The following ZBTB20 variants were observed in gnomAD, a reference collection of about 807,000 sequenced individuals.
ZBTB20 encodes the protein zinc finger and BTB domain-containing protein 20.
ZBTB20 carries 9 observed loss-of-function variants against 56.9 expected under a neutral mutation model. The observed-to-expected ratio is 0.16, with a 90% CI of 0.10 to 0.28. The LOEUF (loss-of-function observed/expected upper bound fraction) is 0.28. ZBTB20 is among the 10% of genes least tolerant of loss of function. The pLI is 1.00. For synonymous variants in ZBTB20, 417 were observed against 420.7 expected (o/e 0.99, Z 0.11); for missense variants, 655 against 1,003.0 (o/e 0.65, Z 4.69).
intron 11 of ZBTB20, among the ~76,000 whole-genome samples, chr3:114,341,443 C>G (rs1426861156): frequency 6.6e-6 from 1 of 152,214 alleles, no homozygotes; most frequent in Non-Finnish European, 1.5e-5. Context: ...AACATGTCCA[C>G]CTGTCACCTT....
intron 10 of ZBTB20, among the ~76,000 whole-genome samples, chr3:114,360,221 A>G (rs1560132867): frequency 6.6e-6 from 1 of 152,050 alleles, no homozygotes; most frequent in Non-Finnish European, 1.5e-5. Flanking sequence ...AGGTCTTCAA[A>G]TTCATGCTCA....
chr3:114,393,179 GTTCT>G (rs1483384164), intron 7 of ZBTB20, among the ~76,000 whole-genome samples: 1 of 152,174 alleles, frequency 6.6e-6, no homozygotes, highest in Admixed American at 6.5e-5. Flanking sequence ...GCTCTTCATT[GTTCT>G]TTCTAACCCA....
chr3:114,509,111 T>C lies in ZBTB20; in HGVS notation c.-294-8720A>G, dbSNP rs543982539. Among the ~76,000 whole-genome samples the C allele has an allele frequency of 1.7e-4, 26 of 152,226 alleles. No individual in the cohort carries two copies. The South Asian group carries it at 5.2e-3, about 30-fold the overall frequency. Reference sequence around the variant, plus strand: ...CACAATAAGCTGATAACATAGGTTGTTAGAATTAGCAAAACTTACTTTCTG... The same window carrying C: ...CACAATAAGCTGATAACATAGGTTGCTAGAATTAGCAAAACTTACTTTCTG... On this transcript the variant is annotated intron_variant, in intron 6 of 11. Transcript: ENST00000675478.
intron 3 of ZBTB20, among the ~76,000 whole-genome samples, chr3:114,924,327 G>T (rs561863070): frequency 6.6e-5 from 10 of 152,044 alleles, no homozygotes; most frequent in African/African-American, 2.4e-4. Context: ...TGGGTAAAGC[G>T]GATAAATGAA....
At chr3:114,804,723 TG>T (rs2071974429) in intron 4 of ZBTB20, among the ~76,000 whole-genome samples, 1 of 151,878 alleles carries the variant, frequency 6.6e-6, no homozygotes, top group Admixed American at 6.6e-5. Context: ...CATAGTCAAT[TG>T]TTTTTCCAAT....
At chr3:114,871,050 G>A (rs577441476) in intron 4 of ZBTB20, among the ~76,000 whole-genome samples, 1 of 60,678 alleles carries the variant, frequency 1.6e-5, no homozygotes, top group South Asian at 5.8e-4. Context: ...AGAAATGGAA[G>A]AGAATGAGAA....
chr3:115,141,333 C>T (rs1305589546), intron 1 of ZBTB20, among the ~76,000 whole-genome samples: 2 of 152,122 alleles, frequency 1.3e-5, no homozygotes, highest in Non-Finnish European at 2.9e-5. Flanking sequence ...ACTTTTTCTT[C>T]CCCCAAACAG....
At chr3:114,390,467 C>T (rs576509509) in intron 7 of ZBTB20, among the ~76,000 whole-genome samples, 1 of 152,210 alleles carries the variant, frequency 6.6e-6, no homozygotes, top group African/African-American at 2.4e-5. Context: ...TCCATAGGCT[C>T]TAACCCTGAG....
intron 5 of ZBTB20, chr3:114,792,143 C>A (rs1259806067): frequency 6.6e-6 from 1 of 152,168 alleles, no homozygotes. Context: ...TAAGCTTCCT[C>A]CCTCTTACAA....
intron 6 of ZBTB20, among the ~76,000 whole-genome samples, chr3:114,607,312 T>C (rs1405946746): frequency 6.6e-6 from 1 of 151,478 alleles, no homozygotes; most frequent in African/African-American, 2.4e-5. Flanking sequence ...CATTTTTTTT[T>C]TTTTTTTGAG....
intron 2 of ZBTB20, among the ~76,000 whole-genome samples, chr3:114,997,990 AT>A (rs1452034764): frequency 6.6e-6 from 1 of 151,742 alleles, no homozygotes; most frequent in Non-Finnish European, 1.5e-5. Flanking sequence ...GAAATCATTT[AT>A]TTTTTTAGGA....
chr3:114,912,028 CT>C (rs2075560406), intron 3 of ZBTB20, among the ~76,000 whole-genome samples: 1 of 151,226 alleles, frequency 6.6e-6, no homozygotes. Flanking sequence ...AGAAAAGAGC[CT>C]TGTTCCATAT....
chr3:114,840,604 T>C (rs1443191658), intron 4 of ZBTB20, among the ~76,000 whole-genome samples: 2 of 152,172 alleles, frequency 1.3e-5, no homozygotes, highest in Non-Finnish European at 2.9e-5. Flanking sequence ...AAGTCAGATA[T>C]AGAGTCAAAA....
rs149352178 is a variant in ZBTB20, at chr3:114,350,828, G to C, written c.1250C>G (p.Ala417Gly). ...CTGGTTTGTCTGCGGACCACCCTCA[G>C]CGGGGGCTTCTGCAGCCTGCTCGGG... ...TQPEQAAEAP[A>G]EGGPQTNQLE... is the part of the protein sequence containing the mutation. The change falls in exon 11 of 12, where the codon GCT (alanine) becomes GGT (glycine). Residue 417 changes from alanine (A) to glycine (G), a missense_variant. By Grantham distance (60) the Ala-to-Gly change is moderately conservative (BLOSUM62 0). Transcript: ENST00000675478. 4,602 of 1,613,136 alleles carry C rather than the reference G, an allele frequency of 2.9e-3. 13 individuals are homozygous for C. The highest frequency in any genetic ancestry group is 3.4e-3 in the Non-Finnish European group (4,013 of 1,180,024).
At position 115,062,831 on chromosome 3, in the gene ZBTB20, C is replaced by T. The variant is rs1345948910; in HGVS notation, c.-507+8388G>A. On this transcript the variant is annotated intron_variant, in intron 2 of 11. Coordinates refer to ENST00000675478, the MANE Select transcript of ZBTB20 (RefSeq NM_001348800.3). ...TAAAAACATTCCATGAGAATAGATG[C>T]ACTAGCCATGCAAAGTTTTTGAGGG... Among the ~76,000 whole-genome samples, 6 of 152,082 alleles carry T rather than the reference C, an allele frequency of 3.9e-5. 1 individual carries two copies. The highest frequency in any genetic ancestry group is 3.9e-4 in the Admixed American group (6 of 15,264).
chr3:114,455,641 G>A (rs184509669), intron 7 of ZBTB20, among the ~76,000 whole-genome samples: 4 of 152,250 alleles, frequency 2.6e-5, no homozygotes, highest in Non-Finnish European at 4.4e-5. Flanking sequence ...AAGAGGCACC[G>A]TGGCAAGAGA....
intron 7 of ZBTB20, among the ~76,000 whole-genome samples, chr3:114,403,881 C>T (rs897333450): frequency 3.4e-4 from 51 of 152,120 alleles, no homozygotes; most frequent in African/African-American, 1.2e-3. Context: ...TGTTGTGTGA[C>T]CTTGGGCAAG....
chr3:114,630,794 C>T (rs1266735423), intron 6 of ZBTB20, among the ~76,000 whole-genome samples: 1 of 152,132 alleles, frequency 6.6e-6, no homozygotes, highest in Non-Finnish European at 1.5e-5. Context: ...TTTTGCAGAG[C>T]AGGCAAGGAG....
Position 114,367,886 on chromosome 3 carries a change from T to C in ZBTB20, c.199+12331A>G, listed in dbSNP as rs1011677239. On this transcript the variant is annotated intron_variant, in intron 10 of 11. Coordinates refer to ENST00000675478, the MANE Select transcript of ZBTB20 (RefSeq NM_001348800.3). ...CAAGAAGGGACAAGAAGAAGGGCAC[T>C]GGCTTTTCCTCGAAGTGAAGGATGT... 1.6e-4 allele frequency among the ~76,000 whole-genome samples: 25 copies of C among 152,220 alleles called. 1 individual carries two copies. The highest frequency in any genetic ancestry group is 1.9e-4 in the East Asian group (1 of 5,204).
Sources: gnomAD v4.1 joint callset for allele counts (sites outside exome capture counted in the v4.1 genomes callset) on GRCh38, gnomAD v4.1.1 for gene constraint, MANE v1.5 for transcripts, NCBI Gene and HGNC (gene_info 2026-07-23, HGNC 2026-07-21) for gene names.